Variants in KCNH5 observed in about 807,000 individuals in gnomAD.
The protein encoded by KCNH5 is voltage-gated delayed rectifier potassium channel KCNH5.
KCNH5 carries 46 observed loss-of-function variants against 96.1 expected under a neutral mutation model. That is an observed-to-expected ratio of 0.48 (90% CI 0.38 to 0.61). KCNH5 has a LOEUF of 0.61. Among genes scored for constraint, KCNH5 ranks in the 20% least tolerant of loss-of-function variants. KCNH5 has a pLI of 0.00. For synonymous variants in KCNH5, 439 were observed against 449.8 expected, an observed-to-expected ratio of 0.98 and a Z score of 0.30; for missense variants, 907 against 1,225.8, an observed-to-expected ratio of 0.74 and a Z score of 3.88.
chr14:62,819,045 A>T (rs922567891), intron 8 of KCNH5, among the ~76,000 whole-genome samples: 2 of 152,116 alleles, frequency 1.3e-5, no homozygotes, highest in African/African-American at 4.8e-5. Context: ...CAGCTCACTG[A>T]AAGCTCCGCC....
At chr14:63,026,261 C>T (rs1408452561) in intron 1 of KCNH5, among the ~76,000 whole-genome samples, 1 of 151,964 alleles carries the variant, frequency 6.6e-6, no homozygotes, top group Non-Finnish European at 1.5e-5. Flanking sequence ...TATAAAACTG[C>T]TGGAAGAAAA....
chr14:63,015,776 C>A (rs1370887365), intron 2 of KCNH5, among the ~76,000 whole-genome samples: 1 of 151,802 alleles, frequency 6.6e-6, no homozygotes, highest in Non-Finnish European at 1.5e-5. Context: ...GGTTTCATAT[C>A]CCCTTGAATA....
At chr14:62,732,738 T>C (rs537750804) in intron 10 of KCNH5, among the ~76,000 whole-genome samples, 34 of 152,188 alleles carry the variant, frequency 2.2e-4, no homozygotes, top group Admixed American at 1.2e-3. Flanking sequence ...GAAGAAAATA[T>C]AAGGTAGAAA....
chr14:62,725,838 A>G (rs1020675579), intron 10 of KCNH5, among the ~76,000 whole-genome samples: 1 of 152,254 alleles, frequency 6.6e-6, no homozygotes. Context: ...CAAAAGGCCT[A>G]CAATAGCCAA....
chr14:62,776,793 C>T (rs1886107189), intron 10 of KCNH5, among the ~76,000 whole-genome samples: 1 of 152,262 alleles, frequency 6.6e-6, no homozygotes, highest in East Asian at 1.9e-4. Flanking sequence ...TATATTCGCA[C>T]AGTAAGCATC....
chr14:62,855,773 C>T (rs1279373473), intron 7 of KCNH5, among the ~76,000 whole-genome samples: 3 of 152,030 alleles, frequency 2.0e-5, no homozygotes, highest in African/African-American at 7.3e-5. Flanking sequence ...AAAGAATACA[C>T]AATGTTATCA....
At chr14:62,759,699 C>T (rs1252439599) in intron 10 of KCNH5, among the ~76,000 whole-genome samples, 2 of 151,986 alleles carry the variant, frequency 1.3e-5, no homozygotes, top group East Asian at 3.9e-4. Flanking sequence ...ACCACTGTTA[C>T]CAACCTCCAT....
intron 7 of KCNH5, among the ~76,000 whole-genome samples, chr14:62,886,823 T>TA (rs975044961): frequency 6.6e-6 from 1 of 152,120 alleles, no homozygotes; most frequent in Admixed American, 6.6e-5. Flanking sequence ...TATCTTGATT[T>TA]AAAAAAGGGA....
At chr14:63,019,614 A>T (rs529487429) in intron 1 of KCNH5, among the ~76,000 whole-genome samples, 1 of 152,130 alleles carries the variant, frequency 6.6e-6, no homozygotes, top group Admixed American at 6.6e-5. Flanking sequence ...AATTTTATTG[A>T]AACAACTAGA....
intron 6 of KCNH5, among the ~76,000 whole-genome samples, chr14:62,952,655 C>G (rs1017687851): frequency 6.6e-6 from 1 of 152,128 alleles, no homozygotes; most frequent in East Asian, 1.9e-4. Context: ...TACCTGAATT[C>G]TTTTCTCTGA....
intron 10 of KCNH5, among the ~76,000 whole-genome samples, chr14:62,715,759 TA>T (rs1333173660): frequency 4.0e-5 from 6 of 151,202 alleles, no homozygotes; most frequent in Non-Finnish European, 7.4e-5. Flanking sequence ...ATTAATTAAT[TA>T]AGTAAATGTA....
chr14:63,015,204 A>T (rs1483294914), intron 2 of KCNH5, among the ~76,000 whole-genome samples: 1 of 152,104 alleles, frequency 6.6e-6, no homozygotes, highest in Non-Finnish European at 1.5e-5. Context: ...AGGCACCAGA[A>T]TCATCTAAGC....
chr14:62,887,751 C>G (rs751920718), intron 7 of KCNH5, among the ~76,000 whole-genome samples: 2 of 152,012 alleles, frequency 1.3e-5, no homozygotes, highest in Non-Finnish European at 1.5e-5. Context: ...TTTGCTCATA[C>G]CTCTTGTTTG....
chr14:62,898,089 A>G (rs186821151), intron 7 of KCNH5, among the ~76,000 whole-genome samples: 83 of 152,324 alleles, frequency 5.4e-4, no homozygotes, highest in African/African-American at 1.8e-3. Flanking sequence ...TGAAAAATAA[A>G]TAAGACCAGA....
intron 8 of KCNH5, among the ~76,000 whole-genome samples, chr14:62,819,156 C>A (rs911238950): frequency 2.0e-5 from 3 of 152,048 alleles, no homozygotes; most frequent in Non-Finnish European, 4.4e-5. Context: ...TTCGTAGAGA[C>A]AGGGTTTCAC....
At chr14:62,986,760 C>T (rs149510390) in intron 5 of KCNH5, among the ~76,000 whole-genome samples, 1 of 152,274 alleles carries the variant, frequency 6.6e-6, no homozygotes, top group African/African-American at 2.4e-5. Context: ...GTGCCAAGCA[C>T]AGAGCATACC....
intron 8 of KCNH5, among the ~76,000 whole-genome samples, chr14:62,821,059 A>C (rs560073997): frequency 6.6e-6 from 1 of 151,902 alleles, no homozygotes; most frequent in South Asian, 2.1e-4. Flanking sequence ...TTACTTTTTG[A>C]CTTTTTAATA....
At chr14:63,033,331 T>C (rs1343954795) in intron 1 of KCNH5, among the ~76,000 whole-genome samples, 1 of 152,230 alleles carries the variant, frequency 6.6e-6, no homozygotes, top group Non-Finnish European at 1.5e-5. Context: ...TGTTTAAGCT[T>C]CACAAACTTA....
chr14:62,800,940 A>G (rs1030964487), intron 9 of KCNH5, among the ~76,000 whole-genome samples: 1 of 152,122 alleles, frequency 6.6e-6, no homozygotes, highest in African/African-American at 2.4e-5. Flanking sequence ...TTCTTGAAAA[A>G]AAAAAACAGT....
Sources: gnomAD v4.1 joint callset for allele counts (sites outside exome capture counted in the v4.1 genomes callset) on GRCh38, gnomAD v4.1.1 for gene constraint, MANE v1.5 for transcripts, NCBI Gene and HGNC (gene_info 2026-07-23, HGNC 2026-07-21) for gene names.